LRMDA: variants seen among roughly 807,000 people sequenced by gnomAD.
LRMDA encodes the protein leucine-rich melanocyte differentiation-associated protein.
LRMDA carries 18 observed loss-of-function variants against 29.8 expected under a neutral mutation model. The ratio of observed to expected loss-of-function variants is 0.60; its 90% confidence interval spans 0.42 to 0.90. The LOEUF (loss-of-function observed/expected upper bound fraction) is 0.90. LRMDA is among the 40% of genes least tolerant of loss of function. The pLI, the probability that LRMDA is intolerant of heterozygous loss-of-function variation, is 0.00. For missense variants in LRMDA, 273 were observed against 273.9 expected (o/e 1.00, Z 0.02); for synonymous variants, 125 against 109.4 (o/e 1.14, Z -0.89).
intron 2 of LRMDA, among the ~76,000 whole-genome samples, chr10:75,573,985 CT>C (rs34394750): frequency 0.1 from 15,246 of 146,964 alleles, 977 homozygotes; most frequent in East Asian, 0.32. Flanking sequence ...TGCAGAAGGC[CT>C]TTTTTTTTTT....
chr10:75,666,463 G>A (rs913199640), intron 2 of LRMDA, among the ~76,000 whole-genome samples: 1 of 151,634 alleles, frequency 6.6e-6, no homozygotes, highest in South Asian at 2.1e-4. Context: ...TATCTGAATT[G>A]CAGTATGTTT....
intron 6 of LRMDA, among the ~76,000 whole-genome samples, chr10:76,526,627 C>T (rs1189057948): frequency 6.6e-6 from 1 of 151,886 alleles, no homozygotes; most frequent in Non-Finnish European, 1.5e-5. Flanking sequence ...TAAGATAAAT[C>T]GCATTTTTTG....
At chr10:76,489,595 G>A (rs775354752) in intron 6 of LRMDA, among the ~76,000 whole-genome samples, 28 of 151,426 alleles carry the variant, frequency 1.8e-4, no homozygotes, top group Admixed American at 3.3e-4. Context: ...TCTTTAAGAC[G>A]CATCCTTAGG....
chr10:75,782,735 C>T (rs2132244282), intron 2 of LRMDA: 2 of 1,339,032 alleles, frequency 1.5e-6, no homozygotes, highest in East Asian at 5.9e-5. Flanking sequence ...CGGGGCGAAA[C>T]TGCAAGCAGA....
chr10:75,639,579 G>T (rs1841427141), intron 2 of LRMDA, among the ~76,000 whole-genome samples: 2 of 152,172 alleles, frequency 1.3e-5, no homozygotes, highest in African/African-American at 4.8e-5. Flanking sequence ...TTGGGCAGAG[G>T]GAAGTTCTCT....
chr10:75,843,288 T>C (rs1293395446), intron 2 of LRMDA, among the ~76,000 whole-genome samples: 1 of 152,246 alleles, frequency 6.6e-6, no homozygotes, highest in East Asian at 1.9e-4. Flanking sequence ...ATGCATACGG[T>C]TTCCTGAAAT....
At chr10:75,482,623 G>A (rs1844866243) in intron 2 of LRMDA, among the ~76,000 whole-genome samples, 1 of 152,150 alleles carries the variant, frequency 6.6e-6, no homozygotes, top group Non-Finnish European at 1.5e-5. Flanking sequence ...TAGATGTGCA[G>A]CACATAATTG....
chr10:75,736,678 G>A (rs967148463), intron 2 of LRMDA, among the ~76,000 whole-genome samples: 1 of 152,212 alleles, frequency 6.6e-6, no homozygotes, highest in Non-Finnish European at 1.5e-5. Flanking sequence ...TATGCCAGCA[G>A]CAGCATCGGC....
chr10:75,706,412 C>A (rs1842369757), intron 2 of LRMDA, among the ~76,000 whole-genome samples: 1 of 152,112 alleles, frequency 6.6e-6, no homozygotes, highest in African/African-American at 2.4e-5. Context: ...TTTTAAAAGT[C>A]TTAGATAAGT....
chr10:75,565,496 AG>A (rs1433524499), intron 2 of LRMDA, among the ~76,000 whole-genome samples: 1 of 152,194 alleles, frequency 6.6e-6, no homozygotes, highest in Non-Finnish European at 1.5e-5. Context: ...GGCACAGCTG[AG>A]GGCATTTTCA....
intron 2 of LRMDA, among the ~76,000 whole-genome samples, chr10:75,735,894 T>C (rs1050074746): frequency 1.3e-5 from 2 of 152,200 alleles, no homozygotes; most frequent in African/African-American, 4.8e-5. Flanking sequence ...CTGTTACTTA[T>C]AAATTTTTTT....
At chr10:76,066,915 C>T (rs1282431402) in intron 5 of LRMDA, among the ~76,000 whole-genome samples, 1 of 152,208 alleles carries the variant, frequency 6.6e-6, no homozygotes, top group Non-Finnish European at 1.5e-5. Flanking sequence ...CTGTGCAGAG[C>T]AGGTGCTTTG....
intron 2 of LRMDA, among the ~76,000 whole-genome samples, chr10:76,001,746 G>C (rs1847566712): frequency 6.6e-6 from 1 of 151,970 alleles, no homozygotes; most frequent in South Asian, 2.1e-4. Flanking sequence ...GGCCTTTAAT[G>C]AGTTTAGAGG....
rs77065282 is a variant in LRMDA, at chr10:76,489,336, C to T, written c.602-67873C>T. Reference sequence around the variant, plus strand: ...CATAGTAGCCACTAATTATCCTTTACGTTACTGCAATATCAATAGTAATGT... The same window carrying T: ...CATAGTAGCCACTAATTATCCTTTATGTTACTGCAATATCAATAGTAATGT... On this transcript the variant is annotated intron_variant, in intron 6 of 6. Coordinates refer to ENST00000611255, the MANE Select transcript of LRMDA (RefSeq NM_001305581.2). Among the ~76,000 whole-genome samples the T allele has an allele frequency of 5.2e-3, 785 of 151,848 alleles. 5 individuals carry two copies. Among genetic ancestry groups the T allele is most frequent in the Non-Finnish European group, 7.9e-3 (536 of 67,864 alleles).
intron 5 of LRMDA, among the ~76,000 whole-genome samples, chr10:76,059,869 A>G (rs944832462): frequency 1.3e-5 from 2 of 152,186 alleles, no homozygotes; most frequent in African/African-American, 2.4e-5. Flanking sequence ...AGTTGTGGAA[A>G]TATGTGATAT....
intron 2 of LRMDA, among the ~76,000 whole-genome samples, chr10:75,529,783 A>G (rs1397188841): frequency 6.6e-6 from 1 of 152,250 alleles, no homozygotes; most frequent in African/African-American, 2.4e-5. Flanking sequence ...CAATTATAGC[A>G]TGAGGAATAT....
intron 2 of LRMDA, among the ~76,000 whole-genome samples, chr10:75,987,968 G>A (rs1347119330): frequency 1.3e-5 from 2 of 152,216 alleles, no homozygotes; most frequent in Non-Finnish European, 2.9e-5. Flanking sequence ...TTTGGCATTA[G>A]CATCTGTGAG....
intron 2 of LRMDA, among the ~76,000 whole-genome samples, chr10:75,836,285 A>G (rs951591135): frequency 6.6e-6 from 1 of 152,178 alleles, no homozygotes; most frequent in Non-Finnish European, 1.5e-5. Flanking sequence ...TATAGAGCTC[A>G]AGAGAGTTGG....
intron 6 of LRMDA, among the ~76,000 whole-genome samples, chr10:76,395,129 G>A (rs1388862409): frequency 6.6e-6 from 1 of 152,090 alleles, no homozygotes; most frequent in African/African-American, 2.4e-5. Flanking sequence ...GATTAAATAA[G>A]GCACCACAGA....
Sources: allele counts gnomAD v4.1 joint callset (sites outside exome capture counted in the v4.1 genomes callset), GRCh38; gene constraint gnomAD v4.1.1; transcripts MANE v1.5; gene names NCBI Gene and HGNC (gene_info 2026-07-23, HGNC 2026-07-21).